Variants in RBMS1 observed in about 807,000 individuals in gnomAD.
The protein encoded by RBMS1 is RNA-binding motif, single-stranded-interacting protein 1.
A neutral mutation model predicts 62.3 loss-of-function variants in RBMS1; 17 were observed. The ratio of observed to expected loss-of-function variants is 0.27; its 90% CI spans 0.19 to 0.41. The LOEUF (loss-of-function observed/expected upper bound fraction) is 0.41, where lower values mean the gene tolerates loss of function less well. RBMS1 is among the 10% of genes least tolerant of loss of function. The pLI, the probability that RBMS1 is intolerant of heterozygous loss-of-function variation, is 1.00. For synonymous variants in RBMS1, 172 were observed against 170.0 expected (o/e 1.01, Z -0.09); for missense variants, 334 against 504.5 (o/e 0.66, Z 3.24).
chr2:160,388,851 G>T (rs1694714836), intron 1 of RBMS1, among the ~76,000 whole-genome samples: 1 of 152,226 alleles, frequency 6.6e-6, no homozygotes, highest in Admixed American at 6.5e-5. Context: ...ACTTTATTGG[G>T]ATAAACAAAT....
intron 1 of RBMS1, among the ~76,000 whole-genome samples, chr2:160,409,189 T>G (rs766235425): frequency 6.6e-6 from 1 of 151,784 alleles, no homozygotes; most frequent in Non-Finnish European, 1.5e-5. Flanking sequence ...ATACTCAGGC[T>G]CTTCCAACAT....
rs1445011212 is a variant in RBMS1 at position 160,367,302 on chromosome 2, T to C, written c.165A>G (p.Gly55=). ...NNNSSSSSNS[G]WDQLSKTNLY... is the part of the protein sequence containing the mutation. ...GGTTCGTTTTGCTGAGCTGATCCCATCCTGAGTTGCTACTGCTGCTACTGT... is the reference window on the plus strand; with the variant it reads ...GGTTCGTTTTGCTGAGCTGATCCCACCCTGAGTTGCTACTGCTGCTACTGT... Residue 55 remains glycine, a synonymous_variant, in exon 2 of 14, where the codon GGA becomes GGG. Transcript: ENST00000348849. 1.2e-6 allele frequency: 2 copies of C among 1,612,828 alleles called. No individual in the cohort carries two copies. The highest frequency in any genetic ancestry group is 1.7e-5 in the Admixed American group (1 of 59,978).
intron 6 of RBMS1, among the ~76,000 whole-genome samples, chr2:160,294,549 A>C (rs887164624): frequency 2.6e-5 from 4 of 152,210 alleles, no homozygotes; most frequent in Non-Finnish European, 5.9e-5. Context: ...GACTTCCTTA[A>C]GAGTGTCACA....
Position 160,303,481 on chromosome 2 carries a change from C to G in RBMS1, c.409G>C (p.Glu137Gln). Residue 137 changes from glutamate to glutamine, a missense_variant, in exon 5 of 14, where the codon GAA (glutamate) becomes CAA (glutamine). This residue lies in a region of RBMS1 where 150 missense variants were observed against 228.0 expected (regional missense o/e 0.66). Transcript: ENST00000348849. ...ATGTAGAGGTTGGTAGGATCTTGTT[C>G]CTGTTGCTAAAACAGAAGAGAGTGT... The part of the protein sequence containing the change: ...GVQAQMAKQQ[E>Q]QDPTNLYISN... The G allele has an allele frequency of 6.2e-7, 1 of 1,606,644 alleles. No homozygotes were observed. The highest frequency in any genetic ancestry group is 8.5e-7 in the Non-Finnish European group (1 of 1,177,258).
At chr2:160,426,904 A>G (rs1682656950) in intron 1 of RBMS1, among the ~76,000 whole-genome samples, 1 of 152,194 alleles carries the variant, frequency 6.6e-6, no homozygotes, top group South Asian at 2.1e-4. Context: ...CTTCAAGGCA[A>G]CTTAGTGGTT....
intron 1 of RBMS1, among the ~76,000 whole-genome samples, chr2:160,406,916 C>T (rs1477927257): frequency 6.6e-6 from 1 of 152,178 alleles, no homozygotes; most frequent in Admixed American, 6.5e-5. Flanking sequence ...CACAGGATTT[C>T]CCTGTGCTAC....
intron 6 of RBMS1, among the ~76,000 whole-genome samples, chr2:160,298,333 G>A (rs1365023125): frequency 1.3e-5 from 2 of 151,978 alleles, no homozygotes; most frequent in Non-Finnish European, 2.9e-5. Context: ...GTGTAGTTCT[G>A]GAGAGGATGA....
chr2:160,303,770 G>C (rs1386988651), intron 4 of RBMS1, among the ~76,000 whole-genome samples: 1 of 152,066 alleles, frequency 6.6e-6, no homozygotes, highest in African/African-American at 2.4e-5. Flanking sequence ...AGTTGTTTGC[G>C]GTGTTTCTAA....
chr2:160,386,449 T>C (rs1694581373), intron 1 of RBMS1, among the ~76,000 whole-genome samples: 1 of 151,476 alleles, frequency 6.6e-6, no homozygotes, highest in Admixed American at 6.6e-5. Flanking sequence ...GGCAGGAGAA[T>C]CACTTGAACC....
chr2:160,334,674 G>A (rs1332946800), intron 2 of RBMS1, among the ~76,000 whole-genome samples: 1 of 152,140 alleles, frequency 6.6e-6, no homozygotes. Context: ...AGCCAAGAAT[G>A]GACCCGAGCC....
intron 1 of RBMS1, 56 bp from the exon 2 acceptor site, chr2:160,367,447 A>G: frequency 6.3e-7 from 1 of 1,592,372 alleles, no homozygotes. Flanking sequence ...CTGACACCAA[A>G]TAAAATGAAG....
chr2:160,314,490 TATG>T (rs764821339), intron 3 of RBMS1, among the ~76,000 whole-genome samples: 19 of 152,170 alleles, frequency 1.2e-4, no homozygotes, highest in Non-Finnish European at 2.4e-4. Context: ...ATTTAGATAG[TATG>T]ATACTAGTGA....
At chr2:160,421,038 G>A (rs144355058) in intron 1 of RBMS1, among the ~76,000 whole-genome samples, 12 of 152,202 alleles carry the variant, frequency 7.9e-5, no homozygotes, top group African/African-American at 2.9e-4. Flanking sequence ...AAACTCCAAT[G>A]GTTGACCGTT....
chr2:160,408,767 G>A (rs916074068), intron 1 of RBMS1, among the ~76,000 whole-genome samples: 1 of 152,150 alleles, frequency 6.6e-6, no homozygotes, highest in Non-Finnish European at 1.5e-5. Flanking sequence ...TTCCGTGGAC[G>A]TATGAAGCCC....
chr2:160,458,261 G>A (rs1172209732), intron 1 of RBMS1, among the ~76,000 whole-genome samples: 2 of 152,104 alleles, frequency 1.3e-5, no homozygotes, highest in Non-Finnish European at 2.9e-5. Context: ...ATGGCATCTG[G>A]CCTAAAACTG....
At chr2:160,449,175 G>C (rs7424659) in intron 1 of RBMS1, among the ~76,000 whole-genome samples, 108,774 of 150,550 alleles carry the variant, frequency 0.72, 39,665 homozygotes, top group Admixed American at 0.79. Context: ...CGTCTCCGCC[G>C]GGCAGCCGCA....
At chr2:160,311,972 T>C (rs1689947963) in intron 4 of RBMS1, among the ~76,000 whole-genome samples, 2 of 152,230 alleles carry the variant, frequency 1.3e-5, no homozygotes, top group South Asian at 2.1e-4. Flanking sequence ...TGGTGCATAA[T>C]GGAATGTGTA....
chr2:160,416,911 G>A (rs1404427049), intron 1 of RBMS1, among the ~76,000 whole-genome samples: 3 of 152,084 alleles, frequency 2.0e-5, no homozygotes, highest in Non-Finnish European at 4.4e-5. Context: ...TCTACCGCAG[G>A]ACTAGAATCG....
intron 1 of RBMS1, among the ~76,000 whole-genome samples, chr2:160,486,871 A>G (rs1268516058): frequency 2.0e-5 from 3 of 152,220 alleles, no homozygotes; most frequent in African/African-American, 7.2e-5. Context: ...AAGCAAAGCT[A>G]ATCAGTTAGG....
Sources: gnomAD v4.1 joint callset for allele counts (sites outside exome capture counted in the v4.1 genomes callset) on GRCh38, gnomAD v4.1.1 for gene constraint, gnomAD v4.1.1 regional missense constraint, MANE v1.5 for transcripts, NCBI Gene and HGNC (gene_info 2026-07-23, HGNC 2026-07-21) for gene names.